The following OSBP2 variants were observed in gnomAD, a reference collection of about 807,000 sequenced individuals.
OSBP2 encodes the protein oxysterol binding protein 2.
In OSBP2, 66 loss-of-function variants were observed where a neutral mutation model predicts 96.0. That is an observed-to-expected ratio of 0.69 (90% CI 0.56 to 0.84). OSBP2 has a LOEUF of 0.84. OSBP2 is among the 40% of genes least tolerant of loss of function. The pLI, the probability that OSBP2 is intolerant of heterozygous loss-of-function variation, is 0.00. For missense variants in OSBP2, 1,038 were observed against 1,222.7 expected (o/e 0.85, Z 2.25); for synonymous variants, 525 against 520.9 (o/e 1.01, Z -0.11).
chr22:30,857,048 T>G (rs1420225241), intron 2 of OSBP2, among the ~76,000 whole-genome samples: 1 of 152,184 alleles, frequency 6.6e-6, no homozygotes, highest in Non-Finnish European at 1.5e-5. Flanking sequence ...GGAGCCTCAT[T>G]ATTTTGAGAT....
rs136334 is a variant in OSBP2 at position 30,767,069 on chromosome 22, AT to A, written c.853+25714del. ...AAAAAAAGCTCTGGGATGGGATTTAATTTTTTTTTTTTTTAACTGTTGTTAT... is the reference window on the plus strand; with the variant it reads ...AAAAAAAGCTCTGGGATGGGATTTAATTTTTTTTTTTTTAACTGTTGTTAT... On this transcript the variant is annotated intron_variant, in intron 2 of 13. Transcript: ENST00000332585. Among the ~76,000 whole-genome samples, 765 of 130,708 alleles carry A rather than the reference AT, an allele frequency of 5.9e-3. 2 individuals carry two copies. The highest frequency in any genetic ancestry group is 0.016 in the East Asian group (72 of 4,504). The allele number at this position is 130,708 out of a possible 152,430, so 85.7% of individuals were successfully genotyped here. A position where few individuals can be genotyped will look rare whatever the true frequency, so the allele number is the denominator to read the frequency against.
chr22:30,784,755 G>C (rs2090564082), intron 2 of OSBP2, among the ~76,000 whole-genome samples: 2 of 151,364 alleles, frequency 1.3e-5, no homozygotes, highest in Non-Finnish European at 2.9e-5. Context: ...TAATTTGACA[G>C]CTGGTAGAAT....
chr22:30,814,621 G>T (rs1188202656), intron 2 of OSBP2, among the ~76,000 whole-genome samples: 1 of 151,860 alleles, frequency 6.6e-6, no homozygotes, highest in African/African-American at 2.4e-5. Flanking sequence ...TAGAGATGGG[G>T]TTCCACCATG....
intron 2 of OSBP2, among the ~76,000 whole-genome samples, chr22:30,776,497 A>G (rs1170896512): frequency 1.3e-5 from 2 of 152,130 alleles, no homozygotes; most frequent in Non-Finnish European, 2.9e-5. Flanking sequence ...AACATTTTTG[A>G]AAATGTTTGC....
intron 1 of OSBP2, among the ~76,000 whole-genome samples, chr22:30,732,062 G>C (rs1384151158): frequency 6.6e-6 from 1 of 152,196 alleles, no homozygotes; most frequent in Non-Finnish European, 1.5e-5. Flanking sequence ...CCAGCACTTT[G>C]GGAGGCCAAG....
chr22:30,862,289 G>A (rs2039227886), intron 2 of OSBP2, among the ~76,000 whole-genome samples: 1 of 152,202 alleles, frequency 6.6e-6, no homozygotes, highest in Admixed American at 6.5e-5. Flanking sequence ...AGGCTGGGCA[G>A]GGGGCCCACC....
intron 1 of OSBP2, among the ~76,000 whole-genome samples, chr22:30,737,951 A>G (rs772206842): frequency 2.0e-5 from 3 of 152,040 alleles, no homozygotes; most frequent in South Asian, 4.2e-4. Context: ...TGACCTCGTG[A>G]TCCACCCGGC....
rs533044545 is a variant in OSBP2, at chr22:30,876,013, A to G, written c.1107+5331A>G. 2.6e-5 allele frequency among the ~76,000 whole-genome samples: 4 copies of G among 152,310 alleles called. No homozygotes were observed. The South Asian group carries it at 8.3e-4, about 32-fold the overall frequency. On this transcript the variant is annotated intron_variant, in intron 3 of 13. Coordinates refer to ENST00000332585, the MANE Select transcript of OSBP2 (RefSeq NM_030758.4). ...CTCACATGCCCACTTTTGAAGGCCA[A>G]GTTTAGGGAAGAGCCCGGGAAGGTT...
intron 1 of OSBP2, among the ~76,000 whole-genome samples, chr22:30,728,915 C>A (rs1160868539): frequency 1.3e-5 from 2 of 152,150 alleles, no homozygotes; most frequent in Non-Finnish European, 2.9e-5. Flanking sequence ...TATGGACCTG[C>A]AAGTTGTTTT....
At chr22:30,694,143 C>T (rs1157653421), upstream of OSBP2, 4 of 1,549,882 alleles carry the variant, frequency 2.6e-6, 1 homozygote, top group African/African-American at 5.5e-5. Context: ...GTTCAGAATC[C>T]CACTTTGAGA....
chr22:30,825,440 T>C (rs1323246737), intron 2 of OSBP2, among the ~76,000 whole-genome samples: 1 of 152,052 alleles, frequency 6.6e-6, no homozygotes, highest in African/African-American at 2.4e-5. Context: ...GAGGTTGAAA[T>C]GAGATACTAT....
intron 1 of OSBP2, among the ~76,000 whole-genome samples, chr22:30,696,940 T>C (rs945695502): frequency 3.9e-5 from 6 of 152,124 alleles, no homozygotes; most frequent in African/African-American, 7.2e-5. Context: ...ATTACAGGCA[T>C]GAGCCACCAC....
intron 2 of OSBP2, among the ~76,000 whole-genome samples, chr22:30,795,664 C>T (rs1034130362): frequency 6.6e-6 from 1 of 152,054 alleles, no homozygotes; most frequent in African/African-American, 2.4e-5. Flanking sequence ...GGATTACAGG[C>T]ATGCGCCACC....
At chr22:30,793,374 G>C (rs2090707695) in intron 2 of OSBP2, among the ~76,000 whole-genome samples, 1 of 151,758 alleles carries the variant, frequency 6.6e-6, no homozygotes, top group African/African-American at 2.4e-5. Flanking sequence ...TGGGAAAAAA[G>C]AGGATTTAGG....
In OSBP2 at chr22:30,735,410, C is replaced by CTTTT. The variant is rs774749546; in HGVS notation, c.645-5732_645-5729dup. Among the ~76,000 whole-genome samples the CTTTT allele has an allele frequency of 6.4e-3, 641 of 100,598 alleles. 4 individuals carry two copies. The highest frequency in any genetic ancestry group is 7.9e-3 in the Non-Finnish European group (405 of 51,008). The allele number at this position is 100,598 out of a possible 152,430, so 66.0% of individuals were successfully genotyped here. On this transcript the variant is annotated intron_variant, in intron 1 of 13. Transcript: ENST00000332585. ...TCTTCTTTTTTCTTCTCTTCTCTCT[C>CTTTT]TTTTTTTTTTTTTTTTTTTTTTGAG...
chr22:30,719,509 C>T (rs559699304), intron 1 of OSBP2, among the ~76,000 whole-genome samples: 2 of 152,196 alleles, frequency 1.3e-5, no homozygotes, highest in African/African-American at 4.8e-5. Flanking sequence ...AATCCCAGCA[C>T]TTTGGGAGGC....
chr22:30,784,202 A>G (rs2090556418), intron 2 of OSBP2, among the ~76,000 whole-genome samples: 1 of 150,192 alleles, frequency 6.7e-6, no homozygotes, highest in Admixed American at 6.6e-5. Flanking sequence ...AGTACCATTC[A>G]AATCACTTGG....
At chr22:30,697,015 A>G (rs1422795759) in intron 1 of OSBP2, among the ~76,000 whole-genome samples, 3 of 152,072 alleles carry the variant, frequency 2.0e-5, no homozygotes, top group Admixed American at 1.3e-4. Context: ...AGAGCCCATT[A>G]TCCAAAGGCA....
rs1212984622 is a variant in OSBP2, at chr22:30,757,512, G to C, written c.853+16143G>C. On this transcript the variant is annotated intron_variant, in intron 2 of 13. Coordinates refer to ENST00000332585, the MANE Select transcript of OSBP2 (RefSeq NM_030758.4). ...GGCTCACTGCAACCTCCGCCTCCCG[G>C]GTTCAAGTGATTCTCCTGTCTCAGT... 2.6e-5 allele frequency among the ~76,000 whole-genome samples: 4 copies of C among 151,920 alleles called. No homozygotes were observed. The East Asian group carries it at 7.7e-4, about 29-fold the overall frequency.
Sources: gnomAD v4.1 joint callset for allele counts (sites outside exome capture counted in the v4.1 genomes callset) on GRCh38, gnomAD v4.1.1 for gene constraint, MANE v1.5 for transcripts, NCBI Gene and HGNC (gene_info 2026-07-23, HGNC 2026-07-21) for gene names.